The following CSMD3 variants were observed in gnomAD, a reference collection of about 807,000 sequenced individuals.
CSMD3 encodes CUB and sushi domain-containing protein 3.
Under a neutral mutation model 435.2 loss-of-function variants are expected in CSMD3, and 177 were observed. The ratio of observed to expected loss-of-function variants is 0.41; its 90% confidence interval spans 0.36 to 0.46. The LOEUF (loss-of-function observed/expected upper bound fraction) is 0.46. Ranked by LOEUF, CSMD3 falls within the 20% of genes least tolerant of loss-of-function variation. CSMD3 has a pLI of 0.34. For synonymous variants in CSMD3, 1,656 were observed against 1,520.5 expected (o/e 1.09, Z -2.07); for missense variants, 4,265 against 4,504.6 (o/e 0.95, Z 1.52).
intron 22 of CSMD3, among the ~76,000 whole-genome samples, chr8:112,589,561 T>A (rs754377599): frequency 6.6e-6 from 1 of 152,120 alleles, no homozygotes; most frequent in Non-Finnish European, 1.5e-5. Context: ...CCAGCAAAAA[T>A]ATCATAACTT....
chr8:112,664,425 T>C (rs181396867), intron 17 of CSMD3, among the ~76,000 whole-genome samples: 6 of 152,252 alleles, frequency 3.9e-5, no homozygotes, highest in Non-Finnish European at 7.4e-5. Flanking sequence ...GATGAATAAC[T>C]AAGATGTTTT....
chr8:112,957,142 T>C (rs1039750106), intron 7 of CSMD3, among the ~76,000 whole-genome samples: 7 of 152,118 alleles, frequency 4.6e-5, no homozygotes, highest in Non-Finnish European at 7.4e-5. Flanking sequence ...AGGTATTTAA[T>C]ATTACAATAT....
At chr8:112,828,179 A>G (rs2079755263) in intron 12 of CSMD3, among the ~76,000 whole-genome samples, 1 of 152,198 alleles carries the variant, frequency 6.6e-6, no homozygotes, top group Non-Finnish European at 1.5e-5. Flanking sequence ...TCAGTTCAGT[A>G]TGGTAATATG....
intron 35 of CSMD3, among the ~76,000 whole-genome samples, chr8:112,396,521 C>G (rs1830875332): frequency 6.6e-6 from 1 of 152,148 alleles, no homozygotes; most frequent in African/African-American, 2.4e-5. Flanking sequence ...AGCAAGGAAA[C>G]TATGCAAGAG....
At chr8:112,878,790 C>A (rs144578205) in intron 10 of CSMD3, among the ~76,000 whole-genome samples, 1 of 151,880 alleles carries the variant, frequency 6.6e-6, no homozygotes, top group East Asian at 1.9e-4. Context: ...TCAGGGATCC[C>A]GAATGGAGGG....
At chr8:113,343,760 A>C (rs531169252) in intron 1 of CSMD3, among the ~76,000 whole-genome samples, 1 of 152,268 alleles carries the variant, frequency 6.6e-6, no homozygotes, top group Non-Finnish European at 1.5e-5. Context: ...GAAAAAAATC[A>C]TAATTTTCTC....
intron 16 of CSMD3, among the ~76,000 whole-genome samples, chr8:112,674,975 C>T (rs1287522222): frequency 6.6e-6 from 1 of 152,182 alleles, no homozygotes; most frequent in Non-Finnish European, 1.5e-5. Context: ...ATCTCCCTAG[C>T]TTTTGCTGCT....
intron 11 of CSMD3, among the ~76,000 whole-genome samples, chr8:112,855,653 T>C (rs981380933): frequency 6.6e-6 from 1 of 151,944 alleles, no homozygotes; most frequent in Non-Finnish European, 1.5e-5. Context: ...AGATGACAGA[T>C]AGATAGATAT....
At chr8:112,779,355 G>C (rs1382106644) in intron 13 of CSMD3, among the ~76,000 whole-genome samples, 1 of 151,890 alleles carries the variant, frequency 6.6e-6, no homozygotes, top group Non-Finnish European at 1.5e-5. Flanking sequence ...ATCTGAGCTT[G>C]ACAATGTGTT....
intron 23 of CSMD3, among the ~76,000 whole-genome samples, chr8:112,584,967 A>G (rs1015212100): frequency 2.6e-5 from 4 of 151,490 alleles, no homozygotes; most frequent in Non-Finnish European, 5.9e-5. Flanking sequence ...TGTCTTTTTG[A>G]GGGTTCATCT....
chr8:113,038,330 AT>A (rs2087450058), intron 5 of CSMD3, among the ~76,000 whole-genome samples: 1 of 152,174 alleles, frequency 6.6e-6, no homozygotes, highest in Non-Finnish European at 1.5e-5. Flanking sequence ...ATATTGAGGT[AT>A]TTTTTTCTTA....
intron 4 of CSMD3, among the ~76,000 whole-genome samples, chr8:113,171,191 CTG>C (rs2092261245): frequency 6.6e-6 from 1 of 151,902 alleles, no homozygotes; most frequent in Admixed American, 6.6e-5. Flanking sequence ...TGGTATGTAA[CTG>C]ATGTTTTATG....
chr8:112,991,059 G>A (rs2085440172), intron 6 of CSMD3, among the ~76,000 whole-genome samples: 1 of 151,556 alleles, frequency 6.6e-6, no homozygotes, highest in South Asian at 2.1e-4. Flanking sequence ...ATAATTATCT[G>A]TCTGTATTCA....
At chr8:112,770,042 C>A (rs537826939) in intron 13 of CSMD3, among the ~76,000 whole-genome samples, 1 of 151,966 alleles carries the variant, frequency 6.6e-6, no homozygotes, top group East Asian at 1.9e-4. Flanking sequence ...AACACAAAAG[C>A]ACAATTTTAG....
intron 11 of CSMD3, among the ~76,000 whole-genome samples, chr8:112,844,323 A>G (rs2080259383): frequency 6.6e-6 from 1 of 151,970 alleles, no homozygotes; most frequent in African/African-American, 2.4e-5. Flanking sequence ...TATGTGTAAC[A>G]GAGGTTGTCA....
chr8:112,644,123 T>A (rs1406035103), intron 20 of CSMD3, among the ~76,000 whole-genome samples: 1 of 151,728 alleles, frequency 6.6e-6, no homozygotes, highest in Non-Finnish European at 1.5e-5. Context: ...ATAAACTAGC[T>A]CTTTTAGAAG....
At chr8:113,431,515 G>C (rs1234193032) in intron 1 of CSMD3, among the ~76,000 whole-genome samples, 1 of 152,156 alleles carries the variant, frequency 6.6e-6, no homozygotes, top group Non-Finnish European at 1.5e-5. Flanking sequence ...CTTACCAGGC[G>C]TATGCTTGGT....
At chr8:113,316,876 A>C (rs2132684199) in intron 1 of CSMD3, among the ~76,000 whole-genome samples, 1 of 152,062 alleles carries the variant, frequency 6.6e-6, no homozygotes, top group South Asian at 2.1e-4. Context: ...GGAGCAGCTG[A>C]CTCTGCTGAC....
chr8:113,151,410 A>C (rs1422986793), intron 4 of CSMD3, among the ~76,000 whole-genome samples: 3 of 152,082 alleles, frequency 2.0e-5, no homozygotes, highest in African/African-American at 7.2e-5. Context: ...AAGACAAAAC[A>C]CCAGAAATAT....
Sources: gnomAD v4.1 joint callset for allele counts (sites outside exome capture counted in the v4.1 genomes callset) on GRCh38, gnomAD v4.1.1 for gene constraint, MANE v1.5 for transcripts, NCBI Gene and HGNC (gene_info 2026-07-23, HGNC 2026-07-21) for gene names.